The following ASTN2 variants were observed in gnomAD, a reference collection of about 807,000 sequenced individuals.
ASTN2 encodes the protein astrotactin-2.
ASTN2 carries 54 observed loss-of-function variants against 139.8 expected under a neutral mutation model. The observed-to-expected ratio is 0.39, with a 90% CI of 0.31 to 0.48. The LOEUF (loss-of-function observed/expected upper bound fraction) is 0.48, where lower values mean the gene tolerates loss of function less well. Ranked by LOEUF, ASTN2 falls within the 20% of genes least tolerant of loss-of-function variation. The probability of loss-of-function intolerance (pLI) is 0.95; values close to 1 mark genes in which losing one functional copy is unlikely to be tolerated. For missense variants in ASTN2, 1,565 were observed against 1,725.1 expected (o/e 0.91, Z 1.64); for synonymous variants, 756 against 719.5 (o/e 1.05, Z -0.81).
intron 20 of ASTN2, among the ~76,000 whole-genome samples, chr9:116,461,080 C>T (rs1848472104): frequency 6.6e-6 from 1 of 151,978 alleles, no homozygotes; most frequent in Non-Finnish European, 1.5e-5. Context: ...ATAATTTCTC[C>T]CCAGTTCCTT....
intron 19 of ASTN2, among the ~76,000 whole-genome samples, chr9:116,614,394 A>G (rs555486419): frequency 1.1e-4 from 17 of 152,190 alleles, no homozygotes; most frequent in Non-Finnish European, 2.1e-4. Flanking sequence ...TATGGAACCA[A>G]AAAAGAGCCC....
intron 3 of ASTN2, among the ~76,000 whole-genome samples, chr9:117,180,350 C>T (rs1285048579): frequency 6.6e-6 from 1 of 152,174 alleles, no homozygotes; most frequent in Non-Finnish European, 1.5e-5. Context: ...CTTGAAACTT[C>T]TCACAGTTCC....
chr9:116,795,414 A>T (rs1830664490), intron 13 of ASTN2, among the ~76,000 whole-genome samples: 1 of 152,208 alleles, frequency 6.6e-6, no homozygotes, highest in Non-Finnish European at 1.5e-5. Flanking sequence ...TCCTAATAAG[A>T]TGTGTTTCAT....
At chr9:117,139,968 C>T (rs564195541) in intron 4 of ASTN2, among the ~76,000 whole-genome samples, 1 of 152,298 alleles carries the variant, frequency 6.6e-6, no homozygotes, top group East Asian at 1.9e-4. Flanking sequence ...GAGACTCAGA[C>T]TGCCAGGTTC....
chr9:116,618,270 C>G, intron 19 of ASTN2, 54 bp downstream of exon 19: 1 of 1,547,126 alleles, frequency 6.5e-7, no homozygotes. Flanking sequence ...TAGAAAATCC[C>G]AGTTTCCCTC....
At chr9:117,358,815 T>C (rs969535011) in intron 1 of ASTN2, among the ~76,000 whole-genome samples, 1 of 152,080 alleles carries the variant, frequency 6.6e-6, no homozygotes, top group African/African-American at 2.4e-5. Flanking sequence ...TCTGCTTCTC[T>C]CATTCTGTCG....
intron 19 of ASTN2, among the ~76,000 whole-genome samples, chr9:116,516,462 T>C (rs181266022): frequency 6.5e-4 from 99 of 152,328 alleles, no homozygotes; most frequent in African/African-American, 2.2e-3. Flanking sequence ...TGATAATAAA[T>C]AGAATGAGGG....
chr9:117,019,730 T>C (rs968298392), intron 6 of ASTN2, among the ~76,000 whole-genome samples: 8 of 152,084 alleles, frequency 5.3e-5, no homozygotes, highest in Non-Finnish European at 8.8e-5. Flanking sequence ...TGAAATGTAG[T>C]CTGAAGGAGC....
intron 1 of ASTN2, among the ~76,000 whole-genome samples, chr9:117,330,595 G>T (rs937771128): frequency 6.6e-6 from 1 of 152,012 alleles, no homozygotes; most frequent in Non-Finnish European, 1.5e-5. Context: ...TTTCCTCTTC[G>T]CCTCCTCCCC....
intron 17 of ASTN2, among the ~76,000 whole-genome samples, chr9:116,639,851 C>A (rs1382495565): frequency 6.6e-6 from 1 of 152,104 alleles, no homozygotes; most frequent in African/African-American, 2.4e-5. Context: ...TTGAAAGGAG[C>A]CAATGTATGT....
At chr9:117,126,110 TTAA>T (rs148866220) in intron 4 of ASTN2, among the ~76,000 whole-genome samples, 2,841 of 152,328 alleles carry the variant, frequency 0.019, 42 homozygotes, top group Non-Finnish European at 0.026. Context: ...TGGCATATTC[TTAA>T]TAATAATTAG....
chr9:116,752,524 G>A (rs1829426697), intron 13 of ASTN2, among the ~76,000 whole-genome samples: 1 of 152,176 alleles, frequency 6.6e-6, no homozygotes, highest in Non-Finnish European at 1.5e-5. Context: ...AGAAAAAATT[G>A]TTGTTGGACT....
Position 117,225,703 on chromosome 9 carries a change from A to G in ASTN2, c.631-10961T>C, listed in dbSNP as rs571344525. Among the ~76,000 whole-genome samples, 5 of 151,110 alleles carry G rather than the reference A, an allele frequency of 3.3e-5. No individual in the cohort carries two copies. In the South Asian group the frequency reaches 1.1e-3, roughly 32 times the overall value. On this transcript the variant is annotated intron_variant, in intron 2 of 22. Coordinates refer to ENST00000313400, the MANE Select transcript of ASTN2 (RefSeq NM_001365068.1). ...ATTTTTACTCTGCCACCTACCAGTA[A>G]TGGGACCTTGGGACATTCTCTCTGT...
chr9:117,353,962 A>G (rs553487982), intron 1 of ASTN2, among the ~76,000 whole-genome samples: 1 of 152,322 alleles, frequency 6.6e-6, no homozygotes, highest in South Asian at 2.1e-4. Context: ...TTCTGTATGA[A>G]TAACAGTGGT....
At chr9:117,107,949 A>G (rs943821530) in intron 4 of ASTN2, among the ~76,000 whole-genome samples, 3 of 152,188 alleles carry the variant, frequency 2.0e-5, no homozygotes, top group Non-Finnish European at 2.9e-5. Context: ...CCCTGACTAC[A>G]GGCCCTTTAT....
chr9:117,192,826 G>A (rs1263395516), intron 3 of ASTN2, among the ~76,000 whole-genome samples: 1 of 152,204 alleles, frequency 6.6e-6, no homozygotes, highest in African/African-American at 2.4e-5. Flanking sequence ...TTTCATGGAT[G>A]AGTGACTTAA....
At chr9:117,054,315 C>T (rs190721937) in intron 5 of ASTN2, among the ~76,000 whole-genome samples, 21 of 152,328 alleles carry the variant, frequency 1.4e-4, no homozygotes, top group African/African-American at 3.4e-4. Flanking sequence ...AATATAGGCT[C>T]TGCCATTACT....
chr9:116,544,656 C>A (rs1201431473), intron 19 of ASTN2, among the ~76,000 whole-genome samples: 1 of 152,114 alleles, frequency 6.6e-6, no homozygotes, highest in Non-Finnish European at 1.5e-5. Context: ...GAAGTTTACA[C>A]TGGAACAAAG....
At chr9:116,813,763 G>GA (rs763263291) in intron 12 of ASTN2, among the ~76,000 whole-genome samples, 3 of 152,110 alleles carry the variant, frequency 2.0e-5, no homozygotes, top group Non-Finnish European at 2.9e-5. Flanking sequence ...GGCCAAGTGC[G>GA]ATGGCTCATG....
Sources: gnomAD v4.1 joint callset for allele counts (sites outside exome capture counted in the v4.1 genomes callset) on GRCh38, gnomAD v4.1.1 for gene constraint, MANE v1.5 for transcripts, NCBI Gene and HGNC (gene_info 2026-07-23, HGNC 2026-07-21) for gene names.